Variants in CALD1 observed in about 807,000 individuals in gnomAD.
CALD1 encodes caldesmon 1.
In CALD1, 33 loss-of-function variants were observed where a neutral mutation model predicts 99.9. The ratio of observed to expected loss-of-function variants is 0.33; its 90% CI spans 0.25 to 0.44. The LOEUF (loss-of-function observed/expected upper bound fraction) is 0.44. Ranked by LOEUF, CALD1 falls within the 20% of genes least tolerant of loss-of-function variation. CALD1 has a pLI of 1.00. For missense variants in CALD1, 861 were observed against 962.1 expected (o/e 0.89, Z 1.39); for synonymous variants, 310 against 325.0 (o/e 0.95, Z 0.50).
At chr7:134,884,090 G>T (rs1426034779) in intron 3 of CALD1, among the ~76,000 whole-genome samples, 1 of 145,008 alleles carries the variant, frequency 6.9e-6, no homozygotes, top group Non-Finnish European at 1.5e-5. Context: ...CAACAAGAGT[G>T]AAACTCTGTC....
At chr7:134,740,198 A>G (rs1395656763), upstream of CALD1, among the ~76,000 whole-genome samples, 2 of 152,180 alleles carry the variant, frequency 1.3e-5, no homozygotes, top group African/African-American at 4.8e-5. Context: ...CTGTTGGACT[A>G]TTCTCTTAGC....
chr7:134,797,521 G>C (rs1396888017), intron 1 of CALD1, among the ~76,000 whole-genome samples: 1 of 152,218 alleles, frequency 6.6e-6, no homozygotes, highest in East Asian at 1.9e-4. Flanking sequence ...AAGAGTAGAA[G>C]AAAAGCATGT....
chr7:134,745,229 C>T (rs1245732898), intron 1 of CALD1, among the ~76,000 whole-genome samples: 2 of 152,122 alleles, frequency 1.3e-5, no homozygotes, highest in Admixed American at 1.3e-4. Context: ...TAAATACCTC[C>T]CTTATTTTCT....
the CALD1 span, among the ~76,000 whole-genome samples, chr7:134,732,646 T>A: frequency 6.6e-6 from 1 of 152,202 alleles, no homozygotes; most frequent in Admixed American, 6.5e-5. Context: ...TCTAAGATAT[T>A]TTGTTATAGC....
At chr7:134,967,505 G>T (rs940007284) in intron 14 of CALD1, among the ~76,000 whole-genome samples, 1 of 152,044 alleles carries the variant, frequency 6.6e-6, no homozygotes, top group African/African-American at 2.4e-5. Context: ...TGTAAGAATA[G>T]GACTATAGGT....
At chr7:134,772,332 C>T (rs1796884127) in intron 1 of CALD1, among the ~76,000 whole-genome samples, 1 of 152,110 alleles carries the variant, frequency 6.6e-6, no homozygotes, top group South Asian at 2.1e-4. Flanking sequence ...TGGGCTCAAG[C>T]GGTCTGCCTG....
chr7:134,805,503 A>G (rs763517239), intron 1 of CALD1, among the ~76,000 whole-genome samples: 4 of 152,078 alleles, frequency 2.6e-5, no homozygotes, highest in Admixed American at 2.0e-4. Context: ...AATATCATTT[A>G]TATTTTCAGT....
At chr7:134,897,985 C>T (rs1563077813) in intron 3 of CALD1, among the ~76,000 whole-genome samples, 1 of 152,114 alleles carries the variant, frequency 6.6e-6, no homozygotes, top group Non-Finnish European at 1.5e-5. Flanking sequence ...GATAAGCCTC[C>T]ACTATCTCGG....
chr7:134,945,164 A>G (rs534328030), intron 7 of CALD1, among the ~76,000 whole-genome samples: 4 of 152,316 alleles, frequency 2.6e-5, no homozygotes, highest in African/African-American at 9.6e-5. Context: ...CCTTAATCAC[A>G]AAAGAAAATT....
intron 1 of CALD1, 26 bp downstream of exon 1, chr7:134,779,775 T>C (rs942020054): frequency 1.3e-5 from 5 of 398,502 alleles, no homozygotes; most frequent in Non-Finnish European, 1.8e-5. Flanking sequence ...CTTTCTTTTT[T>C]ATCTTCTAGA....
At chr7:134,830,169 GC>G (rs1035769571) in intron 1 of CALD1, among the ~76,000 whole-genome samples, 3 of 152,056 alleles carry the variant, frequency 2.0e-5, no homozygotes, top group African/African-American at 7.2e-5. Context: ...TCTTCAGAAT[GC>G]TTGCACCCTA....
intron 3 of CALD1, among the ~76,000 whole-genome samples, chr7:134,892,756 C>T (rs1394445439): frequency 6.6e-5 from 10 of 152,136 alleles, no homozygotes; most frequent in Non-Finnish European, 1.3e-4. Flanking sequence ...TTAAGGGGAA[C>T]GCTATTGTAT....
chr7:134,798,324 G>A (rs762322250), intron 1 of CALD1, among the ~76,000 whole-genome samples: 1 of 152,182 alleles, frequency 6.6e-6, no homozygotes, highest in Non-Finnish European at 1.5e-5. Flanking sequence ...GAGACCGTTA[G>A]CAGATTGCTC....
chr7:134,747,949 A>G lies in CALD1; in HGVS notation c.-130+3586A>G, dbSNP rs1351309082. ...GGGAGAACTGCAGGCACTCAACTCC[A>G]AACAGAGAGAGCTGTGCCATAGGCT... On this transcript the variant is annotated intron_variant, in intron 1 of 13. Coordinates refer to the CALD1 transcript ENST00000417172. 4.6e-5 allele frequency among the ~76,000 whole-genome samples: 7 copies of G among 152,196 alleles called. No homozygotes were observed. The East Asian group carries it at 1.3e-3, about 29-fold the overall frequency.
At chr7:134,777,041 C>G (rs1027427777), upstream of CALD1, among the ~76,000 whole-genome samples, 7 of 152,064 alleles carry the variant, frequency 4.6e-5, no homozygotes. Context: ...CAGAAATTTC[C>G]TATATAAATC....
At chr7:134,722,581 C>A in the CALD1 span, among the ~76,000 whole-genome samples, 36,057 of 151,784 alleles carry the variant, frequency 0.24, 5,372 homozygotes, top group African/African-American at 0.42. Context: ...GCCACCACAC[C>A]TGGCTAATTT....
intron 3 of CALD1, among the ~76,000 whole-genome samples, chr7:134,896,187 G>T (rs1383647051): frequency 6.6e-6 from 1 of 152,172 alleles, no homozygotes; most frequent in Admixed American, 6.5e-5. Flanking sequence ...AAGAACTCCT[G>T]CCCCTCCCCT....
chr7:134,941,030 C>A, intron 6 of CALD1, 62 bp from the exon 7 acceptor site: 1 of 1,445,398 alleles, frequency 6.9e-7, no homozygotes, highest in Non-Finnish European at 9.3e-7. Context: ...CTTGATGATA[C>A]CAACCAAAAC....
At chr7:134,899,410 C>T (rs1054585485) in intron 3 of CALD1, among the ~76,000 whole-genome samples, 2 of 152,102 alleles carry the variant, frequency 1.3e-5, no homozygotes, top group African/African-American at 4.8e-5. Flanking sequence ...ACCATGTTGG[C>T]CACGCTGGTG....
Sources: allele counts gnomAD v4.1 joint callset (sites outside exome capture counted in the v4.1 genomes callset), GRCh38; gene constraint gnomAD v4.1.1; transcripts MANE v1.5; gene names NCBI Gene and HGNC (gene_info 2026-07-23, HGNC 2026-07-21).